PTPRT: variants seen among roughly 807,000 people sequenced by gnomAD.
The protein encoded by PTPRT is protein tyrosine phosphatase receptor type T.
A neutral mutation model predicts 176.8 loss-of-function variants in PTPRT; 56 were observed. The observed-to-expected ratio is 0.32, with a 90% CI of 0.26 to 0.40. The LOEUF is 0.40. PTPRT is among the 10% of genes least tolerant of loss of function. PTPRT has a pLI of 1.00. For missense variants in PTPRT, 1,540 were observed against 1,908.2 expected (o/e 0.81, Z 3.60); for synonymous variants, 783 against 739.0 (o/e 1.06, Z -0.96).
intron 7 of PTPRT, among the ~76,000 whole-genome samples, chr20:42,488,408 C>T (rs1397036068): frequency 6.6e-6 from 1 of 152,124 alleles, no homozygotes; most frequent in South Asian, 2.1e-4. Context: ...TGGTATTATC[C>T]AATTTTTCTA....
chr20:42,361,755 T>C (rs574700441), intron 9 of PTPRT, among the ~76,000 whole-genome samples: 1 of 152,272 alleles, frequency 6.6e-6, no homozygotes, highest in South Asian at 2.1e-4. Context: ...TTGAGTCTTC[T>C]CAGCTGGGAC....
In PTPRT at chr20:42,885,801, A is replaced by G. The variant is rs763936367; in HGVS notation, c.214+6T>C. On this transcript the variant is annotated splice_donor_region_variant and intron_variant, in intron 2 of 30. Transcript: ENST00000373187. ...ATTACAGCCCCAAACATGATGGATCACATACCTGTGGGCACTGCCTGGTCC... is the reference window on the plus strand; with the variant it reads ...ATTACAGCCCCAAACATGATGGATCGCATACCTGTGGGCACTGCCTGGTCC... 7 of 1,602,488 alleles carry G rather than the reference A, an allele frequency of 4.4e-6. No individual in the cohort carries two copies. The highest frequency in any genetic ancestry group is 5.1e-6 in the Non-Finnish European group (6 of 1,172,522).
At chr20:42,394,157 C>T (rs2058827302) in intron 9 of PTPRT, among the ~76,000 whole-genome samples, 1 of 151,906 alleles carries the variant, frequency 6.6e-6, no homozygotes, top group Admixed American at 6.6e-5. Context: ...TCTCTCTCCC[C>T]GGCCCTCTTC....
intron 13 of PTPRT, among the ~76,000 whole-genome samples, chr20:42,256,333 T>A (rs1175048320): frequency 6.6e-6 from 1 of 152,158 alleles, no homozygotes; most frequent in Non-Finnish European, 1.5e-5. Context: ...GGATACTTCA[T>A]TAGATTCAAG....
intron 7 of PTPRT, among the ~76,000 whole-genome samples, chr20:42,601,651 T>G (rs1376328122): frequency 6.6e-6 from 1 of 152,172 alleles, no homozygotes; most frequent in African/African-American, 2.4e-5. Flanking sequence ...AGGATCCTTT[T>G]GTTTTTCTCC....
At chr20:43,188,127 A>C (rs988856925) in intron 1 of PTPRT, among the ~76,000 whole-genome samples, 2 of 152,156 alleles carry the variant, frequency 1.3e-5, no homozygotes, top group Non-Finnish European at 2.9e-5. Flanking sequence ...CTGAGTCACG[A>C]ATCATGCCTG....
intron 6 of PTPRT, among the ~76,000 whole-genome samples, chr20:42,683,663 C>A (rs1395496364): frequency 6.6e-6 from 1 of 152,200 alleles, no homozygotes; most frequent in Admixed American, 6.5e-5. Context: ...CAGGGCTAGG[C>A]ACAGAGTAGA....
intron 13 of PTPRT, among the ~76,000 whole-genome samples, chr20:42,274,976 A>G (rs1285920893): frequency 6.6e-6 from 1 of 152,208 alleles, no homozygotes; most frequent in African/African-American, 2.4e-5. Context: ...ATCTGTCTAT[A>G]GTATTAACAC....
intron 7 of PTPRT, among the ~76,000 whole-genome samples, chr20:42,534,063 G>A (rs528110350): frequency 3.3e-5 from 5 of 152,302 alleles, no homozygotes; most frequent in African/African-American, 7.2e-5. Context: ...GAGGCAGGTC[G>A]GGAGAAGGTG....
At chr20:43,081,628 T>C (rs938671284) in intron 1 of PTPRT, among the ~76,000 whole-genome samples, 6 of 152,192 alleles carry the variant, frequency 3.9e-5, no homozygotes, top group African/African-American at 1.4e-4. Flanking sequence ...CTCTACCTTA[T>C]TATTTTAATC....
chr20:43,068,696 G>A (rs762863301), intron 1 of PTPRT, among the ~76,000 whole-genome samples: 1 of 152,090 alleles, frequency 6.6e-6, no homozygotes, highest in African/African-American at 2.4e-5. Context: ...ATTGCCATGA[G>A]AGAAGAAAGG....
chr20:42,312,893 G>A (rs1007278021), intron 12 of PTPRT, among the ~76,000 whole-genome samples: 2 of 149,898 alleles, frequency 1.3e-5, no homozygotes, highest in Admixed American at 6.7e-5. Context: ...GCAAACTGTC[G>A]GAGGCATTTG....
At chr20:43,123,493 C>T (rs951412688) in intron 1 of PTPRT, among the ~76,000 whole-genome samples, 1 of 152,146 alleles carries the variant, frequency 6.6e-6, no homozygotes, top group African/African-American at 2.4e-5. Flanking sequence ...AGAGAGAGAA[C>T]ACGCCCTTTT....
intron 1 of PTPRT, among the ~76,000 whole-genome samples, chr20:43,030,192 G>A (rs539166038): frequency 1.2e-3 from 176 of 152,288 alleles, no homozygotes; most frequent in Non-Finnish European, 2.1e-3. Context: ...GGATTGGGCA[G>A]GGAATGCAAA....
chr20:42,316,761 A>C (rs772948083), intron 11 of PTPRT, among the ~76,000 whole-genome samples: 5 of 152,102 alleles, frequency 3.3e-5, no homozygotes, highest in Non-Finnish European at 5.9e-5. Flanking sequence ...TTACTGACTT[A>C]TGCTTCCTCT....
intron 15 of PTPRT, among the ~76,000 whole-genome samples, chr20:42,208,401 T>C (rs1459982943): frequency 6.6e-6 from 1 of 151,572 alleles, no homozygotes; most frequent in Non-Finnish European, 1.5e-5. Flanking sequence ...GAAACCCATC[T>C]CACGTGCAGA....
chr20:43,146,330 C>T (rs1280192369), intron 1 of PTPRT, among the ~76,000 whole-genome samples: 1 of 152,124 alleles, frequency 6.6e-6, no homozygotes, highest in African/African-American at 2.4e-5. Flanking sequence ...TTTAGCAAGG[C>T]AGGAATGCTT....
chr20:42,704,079 A>G (rs752915849), intron 6 of PTPRT, among the ~76,000 whole-genome samples: 3 of 152,194 alleles, frequency 2.0e-5, no homozygotes, highest in Non-Finnish European at 2.9e-5. Flanking sequence ...CACTGTGCAA[A>G]TCGCAAAATA....
intron 7 of PTPRT, among the ~76,000 whole-genome samples, chr20:42,662,134 G>A (rs1182604088): frequency 3.9e-5 from 6 of 152,164 alleles, no homozygotes; most frequent in African/African-American, 1.4e-4. Context: ...ATAGCATACT[G>A]TCCTCTTAAT....
Sources: allele counts gnomAD v4.1 joint callset (sites outside exome capture counted in the v4.1 genomes callset), GRCh38; gene constraint gnomAD v4.1.1; transcripts MANE v1.5; gene names NCBI Gene and HGNC (gene_info 2026-07-23, HGNC 2026-07-21).